Variants in ARHGEF4 observed in about 807,000 individuals in gnomAD.
ARHGEF4 encodes APC-stimulated guanine nucleotide exchange factor 1.
Under a neutral mutation model 162.0 loss-of-function variants are expected in ARHGEF4, and 119 were observed. The observed-to-expected ratio is 0.73, with a 90% confidence interval of 0.63 to 0.86. The LOEUF is 0.86. Ranked by LOEUF, ARHGEF4 falls within the 40% of genes least tolerant of loss-of-function variation. ARHGEF4 has a pLI of 0.00. For missense variants in ARHGEF4, 2,488 were observed against 2,456.0 expected (o/e 1.01, Z -0.28); for synonymous variants, 1,014 against 979.9 (o/e 1.03, Z -0.65).
chr2:130,856,431 T>C (rs1234305898), intron 1 of ARHGEF4, among the ~76,000 whole-genome samples: 1 of 152,076 alleles, frequency 6.6e-6, no homozygotes, highest in Non-Finnish European at 1.5e-5. Flanking sequence ...TTCCCAGATA[T>C]AAAAAAATGG....
chr2:131,023,226 C>T (rs1689257290), intron 4 of ARHGEF4, among the ~76,000 whole-genome samples: 1 of 151,998 alleles, frequency 6.6e-6, no homozygotes, highest in Non-Finnish European at 1.5e-5. Context: ...GCCAGGAGCT[C>T]ATGACTAGCC....
At chr2:130,875,816 T>G (rs1045827933) in intron 1 of ARHGEF4, among the ~76,000 whole-genome samples, 4 of 152,176 alleles carry the variant, frequency 2.6e-5, no homozygotes, top group Non-Finnish European at 1.5e-5. Context: ...CACACTTGCT[T>G]CTGGGCAGCC....
intron 4 of ARHGEF4, among the ~76,000 whole-genome samples, chr2:131,013,791 G>A (rs1285027255): frequency 6.6e-6 from 1 of 152,138 alleles, no homozygotes; most frequent in East Asian, 1.9e-4. Flanking sequence ...AGTAGATACG[G>A]GATTTCACCA....
chr2:130,958,675 G>A (rs1684444917), intron 4 of ARHGEF4, among the ~76,000 whole-genome samples: 1 of 152,020 alleles, frequency 6.6e-6, no homozygotes, highest in Non-Finnish European at 1.5e-5. Flanking sequence ...CTCCCAAAGT[G>A]CTGGGATTAC....
chr2:130,975,974 C>T (rs183032387), intron 4 of ARHGEF4, among the ~76,000 whole-genome samples: 26 of 152,224 alleles, frequency 1.7e-4, no homozygotes, highest in East Asian at 3.9e-4. Context: ...TGGGGGCTCC[C>T]GGAGGCTAAA....
chr2:130,913,429 T>G (rs1355931042), intron 1 of ARHGEF4, among the ~76,000 whole-genome samples: 1 of 152,250 alleles, frequency 6.6e-6, no homozygotes, highest in East Asian at 1.9e-4. Context: ...TTTTTCTTCT[T>G]GTCTTCAAAG....
chr2:130,926,810 A>ATTTTTT (rs55904944), intron 2 of ARHGEF4, among the ~76,000 whole-genome samples: 3,443 of 48,848 alleles, frequency 0.07, 1,383 homozygotes, highest in South Asian at 0.13. Context: ...CTTCTGGCTG[A>ATTTTTT]TTTTTTTTTT....
intron 1 of ARHGEF4, among the ~76,000 whole-genome samples, chr2:130,877,572 C>T (rs1289380076): frequency 2.0e-5 from 3 of 152,242 alleles, no homozygotes; most frequent in East Asian, 3.9e-4. Context: ...ATTGCTTGAA[C>T]CCAGTAGGCC....
chr2:130,850,217 G>A (rs1205430150), intron 1 of ARHGEF4, among the ~76,000 whole-genome samples: 1 of 152,200 alleles, frequency 6.6e-6, no homozygotes, highest in African/African-American at 2.4e-5. Context: ...GCCTCTCTAG[G>A]GGCCTCTTGG....
intron 3 of ARHGEF4, among the ~76,000 whole-genome samples, chr2:130,939,237 C>G (rs1683138320): frequency 6.6e-6 from 1 of 152,188 alleles, no homozygotes; most frequent in Non-Finnish European, 1.5e-5. Flanking sequence ...GAAATGATCT[C>G]ATTCTTTCTT....
At chr2:130,840,708 G>A (rs865991852) in intron 1 of ARHGEF4, among the ~76,000 whole-genome samples, 1 of 152,154 alleles carries the variant, frequency 6.6e-6, no homozygotes, top group Admixed American at 6.5e-5. Context: ...CACAGCTCTC[G>A]TCATGGCCTG....
chr2:131,015,154 G>A (rs537837134), intron 4 of ARHGEF4, among the ~76,000 whole-genome samples: 2 of 152,280 alleles, frequency 1.3e-5, no homozygotes, highest in South Asian at 4.1e-4. Flanking sequence ...GGAGACGAAG[G>A]AGCCTGAGAG....
chr2:130,999,111 A>AT (rs1171654211), intron 4 of ARHGEF4, among the ~76,000 whole-genome samples: 6 of 147,810 alleles, frequency 4.1e-5, no homozygotes, highest in African/African-American at 1.5e-4. Flanking sequence ...CCTTTGGCTC[A>AT]TTTTTTAATT....
At chr2:130,965,359 T>G (rs1314004346) in intron 4 of ARHGEF4, among the ~76,000 whole-genome samples, 1 of 152,276 alleles carries the variant, frequency 6.6e-6, no homozygotes, top group Admixed American at 6.5e-5. Flanking sequence ...GACCTCTGCA[T>G]TGAGCACTCC....
At chr2:131,043,410 T>C (rs752408433) in intron 10 of ARHGEF4, 42 bp from the exon 11 acceptor site, 10 of 1,609,350 alleles carry the variant, frequency 6.2e-6, no homozygotes, top group South Asian at 3.3e-5. Flanking sequence ...GAGCCCACGG[T>C]TGGGTATGCG....
At chr2:130,849,568 CTT>C (rs879574941) in intron 1 of ARHGEF4, among the ~76,000 whole-genome samples, 2 of 142,910 alleles carry the variant, frequency 1.4e-5, no homozygotes. Flanking sequence ...ATCTAGGATA[CTT>C]TTTTTTTTTT....
At chr2:131,024,001 T>G (rs760293754) in intron 4 of ARHGEF4, among the ~76,000 whole-genome samples, 1 of 152,184 alleles carries the variant, frequency 6.6e-6, no homozygotes, top group Non-Finnish European at 1.5e-5. Flanking sequence ...GCAGGACATT[T>G]GGCTGAGTGA....
intron 1 of ARHGEF4, among the ~76,000 whole-genome samples, chr2:130,845,989 C>T (rs1680932090): frequency 6.6e-6 from 1 of 152,320 alleles, no homozygotes; most frequent in African/African-American, 2.4e-5. Context: ...GCTGACTGTG[C>T]ACCGGTCGAA....
chr2:130,990,700 TG>T (rs1375071069), intron 4 of ARHGEF4, among the ~76,000 whole-genome samples: 2 of 152,136 alleles, frequency 1.3e-5, no homozygotes, highest in African/African-American at 2.4e-5. Context: ...ACACAGCAGC[TG>T]GAGTCATTAT....
Sources: gnomAD v4.1 joint callset for allele counts (sites outside exome capture counted in the v4.1 genomes callset) on GRCh38, gnomAD v4.1.1 for gene constraint, MANE v1.5 for transcripts, NCBI Gene and HGNC (gene_info 2026-07-23, HGNC 2026-07-21) for gene names.